Variants in NSMAF observed in about 807,000 individuals in gnomAD.
NSMAF encodes the protein protein FAN.
Under a neutral mutation model 134.9 loss-of-function variants are expected in NSMAF, and 90 were observed. The ratio of observed to expected loss-of-function variants is 0.67; its 90% CI spans 0.56 to 0.79. The LOEUF (loss-of-function observed/expected upper bound fraction) is 0.79. Among genes scored for constraint, NSMAF ranks in the 30% least tolerant of loss-of-function variants. NSMAF has a pLI of 0.00. For synonymous variants in NSMAF, 358 were observed against 389.6 expected (o/e 0.92, Z 0.96); for missense variants, 1,010 against 1,119.0 (o/e 0.90, Z 1.39).
chr8:58,594,133 C>G, intron 23 of NSMAF, 99 bp downstream of exon 23: 1 of 921,510 alleles, frequency 1.1e-6, no homozygotes, highest in South Asian at 1.4e-5. Flanking sequence ...TATGTGGAGG[C>G]AGCACATGCA....
chr8:58,604,363 A>G (rs1438509962), intron 12 of NSMAF, among the ~76,000 whole-genome samples: 1 of 152,032 alleles, frequency 6.6e-6, no homozygotes, highest in African/African-American at 2.4e-5. Flanking sequence ...ATGAAAGTTG[A>G]TCTTTTTATT....
chr8:58,614,458 T>C (rs1430232547), intron 9 of NSMAF, among the ~76,000 whole-genome samples: 1 of 152,200 alleles, frequency 6.6e-6, no homozygotes, highest in African/African-American at 2.4e-5. Context: ...CTGGGTGCCA[T>C]AGTGAAGGTT....
intron 2 of NSMAF, chr8:58,640,005 A>G (rs1166956277): frequency 2.0e-5 from 9 of 449,270 alleles, no homozygotes; most frequent in Non-Finnish European, 4.0e-5. Flanking sequence ...AGCTTTGTTC[A>G]GGCAAGAGTA....
At chr8:58,584,320 A>T (rs1805834732) in intron 30 of NSMAF, 120 bp from the exon 31 acceptor site, 1 of 704,586 alleles carries the variant, frequency 1.4e-6, no homozygotes. Context: ...AGTAAGTTCT[A>T]TTTTTTCTTG....
rs538537587 is a variant in NSMAF, at chr8:58,649,181, T to G, written c.60-6108A>C. On this transcript the variant is annotated intron_variant, in intron 1 of 30. Coordinates refer to ENST00000038176, the MANE Select transcript of NSMAF (RefSeq NM_003580.4). ...GTGTGGGACAAGGAGTCATAGGAGA[T>G]TATTGTGGAGTTTTAAGATTTAATG... Among the ~76,000 whole-genome samples the G allele has an allele frequency of 9.9e-5, 15 of 152,240 alleles. No homozygotes were observed. In the South Asian group the frequency reaches 3.1e-3, roughly 32 times the overall value.
chr8:58,594,381 T>G (rs1255413800), intron 22 of NSMAF, 91 bp from the exon 23 acceptor site: 2 of 1,245,414 alleles, frequency 1.6e-6, no homozygotes, highest in African/African-American at 3.0e-5. Flanking sequence ...TTACCAAGTT[T>G]CCTTAATTTT....
At chr8:58,648,109 A>G (rs1807502982) in intron 1 of NSMAF, among the ~76,000 whole-genome samples, 1 of 152,228 alleles carries the variant, frequency 6.6e-6, no homozygotes, top group Non-Finnish European at 1.5e-5. Context: ...AATGAATGGG[A>G]ACTGAAACAA....
intron 6 of NSMAF, among the ~76,000 whole-genome samples, chr8:58,630,850 T>C (rs780397047): frequency 2.4e-4 from 37 of 152,232 alleles, no homozygotes; most frequent in Non-Finnish European, 8.8e-5. Flanking sequence ...GGACTATGTT[T>C]GCCCACAAAT....
chr8:58,647,720 G>T (rs1189169040), intron 1 of NSMAF, among the ~76,000 whole-genome samples: 1 of 152,130 alleles, frequency 6.6e-6, no homozygotes, highest in Non-Finnish European at 1.5e-5. Flanking sequence ...AAAGCTCCCT[G>T]AGGCTTACCA....
At chr8:58,649,946 T>C (rs145287691) in intron 1 of NSMAF, among the ~76,000 whole-genome samples, 1 of 152,332 alleles carries the variant, frequency 6.6e-6, no homozygotes, top group East Asian at 1.9e-4. Context: ...TTATAAATAA[T>C]CTGTCTGATC....
rs1806164648 is a variant in NSMAF, at chr8:58,597,476, A to G, written c.1703T>C (p.Phe568Ser). 6.2e-7 allele frequency: 1 copy of G among 1,614,032 alleles called. No homozygotes were observed. The highest frequency in any genetic ancestry group is 1.1e-5 in the South Asian group (1 of 91,094). The change falls in exon 21 of 31, where the codon TTT becomes TCT. Residue 568 changes from phenylalanine (F) to serine (S), a missense_variant. Coordinates refer to ENST00000038176, the MANE Select transcript of NSMAF (RefSeq NM_003580.4). Reference protein sequence around the residue: ...LEFGQTPKQLFVTPHPRRITP... With the variant: ...LEFGQTPKQLSVTPHPRRITP... The stretch of plus-strand genomic sequence containing the variant: ...GATCCTTCGAGGATGTGGTGTCACA[A>G]ATAGTTGTTTTGGTGTCTGCCCAAA...
intron 22 of NSMAF, 90 bp from the exon 23 acceptor site, chr8:58,594,380 T>G: frequency 8.0e-7 from 1 of 1,243,100 alleles, no homozygotes; most frequent in Non-Finnish European, 1.2e-6. Flanking sequence ...TTTACCAAGT[T>G]TCCTTAATTT....
chr8:58,626,428 A>C (rs554859067), intron 6 of NSMAF, among the ~76,000 whole-genome samples: 4 of 152,068 alleles, frequency 2.6e-5, no homozygotes, highest in African/African-American at 7.2e-5. Context: ...GCATTCTCAT[A>C]TCTTAGCTCC....
chr8:58,600,639 A>AAAAAAAAG (rs1806259276), intron 16 of NSMAF, among the ~76,000 whole-genome samples: 1 of 150,588 alleles, frequency 6.6e-6, no homozygotes, highest in African/African-American at 2.4e-5. Context: ...AAAAAAAAAA[A>AAAAAAAAG]AAAAAAAGAT....
At chr8:58,637,036 A>C (rs1431491199) in intron 2 of NSMAF, among the ~76,000 whole-genome samples, 4 of 151,330 alleles carry the variant, frequency 2.6e-5, no homozygotes, top group Non-Finnish European at 4.4e-5. Flanking sequence ...ACACACACAC[A>C]CACACCCACA....
At chr8:58,619,340 T>C (rs1331752768) in intron 9 of NSMAF, among the ~76,000 whole-genome samples, 1 of 152,154 alleles carries the variant, frequency 6.6e-6, no homozygotes, top group Non-Finnish European at 1.5e-5. Flanking sequence ...AGCAATAAAA[T>C]AGAATATTAC....
chr8:58,613,311 A>G (rs965777203), intron 9 of NSMAF, among the ~76,000 whole-genome samples: 1 of 152,210 alleles, frequency 6.6e-6, no homozygotes, highest in Non-Finnish European at 1.5e-5. Context: ...TAGCCACAAG[A>G]TAAGATCATA....
chr8:58,620,115 C>T (rs1238314133), intron 9 of NSMAF, among the ~76,000 whole-genome samples: 1 of 152,052 alleles, frequency 6.6e-6, no homozygotes, highest in African/African-American at 2.4e-5. Context: ...TTAAGAAAAG[C>T]CAAGAAAGTC....
rs181073134 is a variant in NSMAF at position 58,633,635 on chromosome 8, T to C, written c.333+1554A>G. Among the ~76,000 whole-genome samples the C allele has an allele frequency of 5.3e-5, 8 of 152,316 alleles. No individual in the cohort carries two copies. In the East Asian group the frequency reaches 1.3e-3, roughly 26 times the overall value. On this transcript the variant is annotated intron_variant, in intron 5 of 30. Transcript: ENST00000038176. ...TAGATTGCCAGAGCCCTGAATATAA[T>C]ACTTATTGAATCCATGAGTCGAATC...
Sources: allele counts gnomAD v4.1 joint callset (sites outside exome capture counted in the v4.1 genomes callset), GRCh38; gene constraint gnomAD v4.1.1; transcripts MANE v1.5; gene names NCBI Gene and HGNC (gene_info 2026-07-23, HGNC 2026-07-21).